Variants in CLASRP observed in about 807,000 individuals in gnomAD.
CLASRP encodes CLK4 associating serine/arginine rich protein, also known as CLK4-associating serine/arginine rich protein.
A neutral mutation model predicts 99.9 loss-of-function variants in CLASRP; 52 were observed. That is an observed-to-expected ratio of 0.52 (90% CI 0.42 to 0.66). The LOEUF (loss-of-function observed/expected upper bound fraction) is 0.66, where lower values mean the gene tolerates loss of function less well. CLASRP is among the 30% of genes least tolerant of loss of function. CLASRP has a pLI of 0.00. For synonymous variants in CLASRP, 379 were observed against 373.0 expected, an observed-to-expected ratio of 1.02 and a Z score of -0.18; for missense variants, 848 against 999.2, an observed-to-expected ratio of 0.85 and a Z score of 2.04.
intron 13 of CLASRP, among the ~76,000 whole-genome samples, chr19:45,065,563 G>GAA (rs536324017): frequency 7.8e-4 from 88 of 113,440 alleles, no homozygotes; most frequent in African/African-American, 2.4e-3. Flanking sequence ...TGCGTCTCAA[G>GAA]AAAAAAAAAA....
rs1231119626 is a variant in CLASRP at position 45,068,442 on chromosome 19, A to G, written c.1730A>G (p.Lys577Arg). ...CAGCCCAAGCTGACGCCTCAGGAGAAGCTGAAACTGAGGATGCAGAAGGCG... is the reference window on the plus strand; with the variant it reads ...CAGCCCAAGCTGACGCCTCAGGAGAGGCTGAAACTGAGGATGCAGAAGGCG... ...AAKPKLTPQE[K>R]LKLRMQKALN... Residue 577 changes from lysine (K) to arginine (R), a missense_variant, in exon 16 of 21, where the codon AAG (lysine) becomes AGG (arginine). By Grantham distance (26) the Lys-to-Arg change is conservative. Coordinates refer to ENST00000221455, the MANE Select transcript of CLASRP (RefSeq NM_007056.3). The G allele has an allele frequency of 1.9e-6, 3 of 1,612,786 alleles. No homozygotes were observed. Among genetic ancestry groups the G allele is most frequent in the Non-Finnish European group, 2.5e-6 (3 of 1,179,062 alleles).
chr19:45,067,703 G>A lies in CLASRP; in HGVS notation c.1667+109G>A. On this transcript the variant is annotated intron_variant, in intron 14 of 20. Coordinates refer to ENST00000221455, the MANE Select transcript of CLASRP (RefSeq NM_007056.3). The surrounding 1 kb of genome is among the most constrained non-coding windows in gnomAD (Gnocchi z 4.9). ...TTAGCCCTACCCTGGGAGGTCTGGG[G>A]GGTGGTGTATGGCCCTGGCCTGGGA... 9.1e-7 allele frequency: 1 copy of A among 1,101,396 alleles called. No homozygotes were observed. The highest frequency in any genetic ancestry group is 1.3e-6 in the Non-Finnish European group (1 of 779,390). The allele number at this position is 1,101,396 out of a possible 1,614,324, so 68.2% of individuals were successfully genotyped here.
At position 45,067,651 on chromosome 19, in the gene CLASRP, C is replaced by T. The variant is rs562028743; in HGVS notation, c.1667+57C>T. 5.1e-4 allele frequency: 747 copies of T among 1,466,702 alleles called. 2 individuals are homozygous for T. The highest frequency in any genetic ancestry group is 6.6e-4 in the Non-Finnish European group (712 of 1,081,914). 90.9% of individuals were successfully genotyped at this position (1,466,702 alleles called of 1,614,324 possible). A position where few individuals can be genotyped will look rare whatever the true frequency, so the allele number is the denominator to read the frequency against. ...GCCAATCTCGGGTGGGGAGGGTGAA[C>T]ATCACTGTTTTCTTTTTGAGGGGAA... On this transcript the variant is annotated intron_variant, in intron 14 of 20. Transcript: ENST00000221455. This position sits in a 1 kb window ranked among gnomAD's most constrained non-coding sequence, Gnocchi z 4.9.
At position 45,067,039 on chromosome 19, in the gene CLASRP, C is replaced by T. The variant is rs1019805765; in HGVS notation, c.1410-298C>T. 3.9e-5 allele frequency among the ~76,000 whole-genome samples: 6 copies of T among 152,198 alleles called. No individual in the cohort carries two copies. The highest frequency in any genetic ancestry group is 8.8e-5 in the Non-Finnish European group (6 of 68,042). On this transcript the variant is annotated intron_variant, in intron 13 of 20. Transcript: ENST00000221455. This position sits in a 1 kb window ranked among gnomAD's most constrained non-coding sequence, Gnocchi z 4.9. ...GGAGCCAGCCATCCCTCCCAGAGCT[C>T]ACCTCCCGGGAAGTTAGCAAGCGGG...
chr19:45,040,018 T>C, intron 1 of CLASRP, 166 bp from the exon 2 acceptor site: 1 of 486,990 alleles, frequency 2.1e-6, no homozygotes, highest in Non-Finnish European at 3.8e-6. Context: ...TTGTTAGGGA[T>C]GGACTTGAAC....
At chr19:45,058,044 CCT>C (rs1413723476) in intron 7 of CLASRP, 146 bp downstream of exon 7, 12 of 948,748 alleles carry the variant, frequency 1.3e-5, no homozygotes, top group East Asian at 5.3e-5. Flanking sequence ...TCCTGCTGCC[CCT>C]GTCTCACTCC....
At chr19:45,039,693 C>G in intron 1 of CLASRP, 1 of 160,196 alleles carries the variant, frequency 6.2e-6, no homozygotes, top group South Asian at 1.5e-4. Context: ...TACAACTGCA[C>G]TGTTCCCTTA....
chr19:45,062,233 G>A (rs767920491), intron 11 of CLASRP, 38 bp downstream of exon 11: 3 of 1,188,342 alleles, frequency 2.5e-6, no homozygotes, highest in South Asian at 2.4e-5. Flanking sequence ...AGCAGACAGG[G>A]AGCCTCCTGA....
chr19:45,055,137 G>T (rs1360665763), intron 5 of CLASRP, among the ~76,000 whole-genome samples: 5 of 152,214 alleles, frequency 3.3e-5, no homozygotes, highest in African/African-American at 1.2e-4. Flanking sequence ...CTGCGGTGTG[G>T]CAATGGTAGG....
intron 2 of CLASRP, among the ~76,000 whole-genome samples, chr19:45,051,367 G>A (rs1191377570): frequency 1.3e-5 from 2 of 151,756 alleles, no homozygotes; most frequent in African/African-American, 4.8e-5. Context: ...AGGCTAGAGT[G>A]CGGTGACACA....
At position 45,043,434 on chromosome 19, in the gene CLASRP, A is replaced by AAT. The variant is rs1555729335; in HGVS notation, c.99+3123_99+3124insAT. Among the ~76,000 whole-genome samples, 127 of 145,590 alleles carry AAT rather than the reference A, an allele frequency of 8.7e-4. 2 individuals carry two copies. The highest frequency in any genetic ancestry group is 3.6e-3 in the South Asian group (16 of 4,498). ...CCCAAAAAAAAAAAAAAAAAAAAAAATTTTTTCCATTCATACGTATATGCA... is the reference window on the plus strand; with the variant it reads ...CCCAAAAAAAAAAAAAAAAAAAAAAAATTTTTTTCCATTCATACGTATATGCA... On this transcript the variant is annotated intron_variant, in intron 2 of 20. Transcript: ENST00000221455.
chr19:45,059,509 G>A, intron 8 of CLASRP, 145 bp downstream of exon 8: 1 of 700,330 alleles, frequency 1.4e-6, no homozygotes, highest in Non-Finnish European at 2.4e-6. Context: ...GCAGGTCCCT[G>A]AGCCTATGGT....
intron 11 of CLASRP, among the ~76,000 whole-genome samples, chr19:45,063,600 C>G (rs1029327331): frequency 1.1e-4 from 16 of 151,654 alleles, no homozygotes; most frequent in African/African-American, 3.9e-4. Context: ...GTGCGCGCCA[C>G]CATGCTCGGC....
Position 45,060,479 on chromosome 19 carries a change from G to A in CLASRP, c.789+12G>A. 1 of 1,614,140 alleles carries A rather than the reference G, an allele frequency of 6.2e-7. No homozygotes were observed. Among genetic ancestry groups the A allele is most frequent in the South Asian group, 1.1e-5 (1 of 91,088 alleles). ...AGGCCATGTACTCGGTGAGGTCTGG[G>A]CTGGAGTGGAAGGGGACAGGGGTGT... On this transcript the variant is annotated intron_variant, in intron 9 of 20. Coordinates refer to ENST00000221455, the MANE Select transcript of CLASRP (RefSeq NM_007056.3). The surrounding 1 kb of genome is among the most constrained non-coding windows in gnomAD (Gnocchi z 4.6).
intron 5 of CLASRP, among the ~76,000 whole-genome samples, chr19:45,054,452 T>TCTTGGCCA (rs1332842365): frequency 1.3e-5 from 2 of 152,192 alleles, no homozygotes; most frequent in Non-Finnish European, 2.9e-5. Flanking sequence ...GATTTCACCA[T>TCTTGGCCA]CTTGGCCAGG....
At chr19:45,070,685 C>T (rs1967221054) in intron 20 of CLASRP, 118 bp from the exon 21 acceptor site, 1 of 1,300,272 alleles carries the variant, frequency 7.7e-7, no homozygotes, top group Admixed American at 1.7e-5. Context: ...TGGTCTCATC[C>T]CTTGGGGAAC....
At chr19:45,058,662 G>A (rs1972167595) in intron 7 of CLASRP, among the ~76,000 whole-genome samples, 1 of 152,058 alleles carries the variant, frequency 6.6e-6, no homozygotes, top group Non-Finnish European at 1.5e-5. Flanking sequence ...TGGGATTACA[G>A]ACGTGAGCCA....
intron 2 of CLASRP, among the ~76,000 whole-genome samples, chr19:45,041,444 A>AC (rs149811376): frequency 0.054 from 8,089 of 150,662 alleles, 319 homozygotes; most frequent in Non-Finnish European, 0.082. Context: ...GGCCTATATT[A>AC]CCCCCCCTCA....
chr19:45,052,737 C>A, intron 3 of CLASRP, 54 bp from the exon 4 acceptor site: 1 of 1,342,910 alleles, frequency 7.4e-7, no homozygotes, highest in Non-Finnish European at 1.1e-6. Flanking sequence ...TGCTTTGTGT[C>A]CTGGGCAGTA....
Sources: gnomAD v4.1 joint callset for allele counts (sites outside exome capture counted in the v4.1 genomes callset) on GRCh38, gnomAD v4.1.1 for gene constraint, Gnocchi (gnomAD v3.1) non-coding constraint, MANE v1.5 for transcripts, NCBI Gene and HGNC (gene_info 2026-07-23, HGNC 2026-07-21) for gene names.